The following VAMP8 variants were observed in gnomAD, a reference collection of about 807,000 sequenced individuals.
VAMP8 encodes the protein vesicle-associated membrane protein 8.
A neutral mutation model predicts 11.4 loss-of-function variants in VAMP8; 9 were observed. The ratio of observed to expected loss-of-function variants is 0.79; its 90% confidence interval spans 0.48 to 1.38. VAMP8 has a LOEUF of 1.38. VAMP8 is among the 40% of genes most tolerant of loss of function. The probability of loss-of-function intolerance (pLI) is 0.00; values close to 1 mark genes in which losing one functional copy is unlikely to be tolerated. For missense variants in VAMP8, 108 were observed against 127.8 expected (o/e 0.85, Z 0.75); for synonymous variants, 42 against 44.7 (o/e 0.94, Z 0.24).
intron 1 of VAMP8, 39 bp from the exon 2 acceptor site, chr2:85,578,970 C>G: frequency 6.3e-7 from 1 of 1,580,080 alleles, no homozygotes; most frequent in Non-Finnish European, 8.6e-7. Flanking sequence ...CTCCAGTTCC[C>G]CCACCACTTG....
In VAMP8 at chr2:85,581,795, C is replaced by T; in HGVS notation, c.*79C>T. 1 of 1,571,774 alleles carries T rather than the reference C, an allele frequency of 6.4e-7. No individual in the cohort carries two copies. Among genetic ancestry groups the T allele is most frequent in the Admixed American group, 1.7e-5 (1 of 57,782 alleles). ...ATGTGTGCCAAGAGGGTCTCCTTTC[C>T]TGTCTTCCTCTACAGAGAATGCTGC... is the stretch of plus-strand genomic sequence containing the variant. On this transcript the variant is annotated 3_prime_UTR_variant, in exon 3 of 3. Transcript: ENST00000263864.
In VAMP8 at chr2:85,581,984, G is replaced by C. The variant is rs990765760; in HGVS notation, c.*268G>C. The C allele has an allele frequency of 2.1e-5, 9 of 435,884 alleles. No individual in the cohort carries two copies. Among genetic ancestry groups the C allele is most frequent in the South Asian group, 1.4e-4 (4 of 28,210 alleles). The allele number at this position is 435,884 out of a possible 1,614,324, so 27.0% of individuals were successfully genotyped here. ...ACCTAGAGGGCCCAGCATGTGGCTG[G>C]GAAACTGTTGGTGGCCAGTGGGTAA... On this transcript the variant is annotated 3_prime_UTR_variant, in exon 3 of 3. Coordinates refer to ENST00000263864, the MANE Select transcript of VAMP8 (RefSeq NM_003761.5).
At chr2:85,578,952 G>T (rs941916026) in intron 1 of VAMP8, 57 bp from the exon 2 acceptor site, 1 of 1,563,610 alleles carries the variant, frequency 6.4e-7, no homozygotes, top group African/African-American at 1.4e-5. Flanking sequence ...AGATCTCTGA[G>T]CCCAAGTCTC....
intron 1 of VAMP8, among the ~76,000 whole-genome samples, chr2:85,578,468 CTGT>C (rs1310552454): frequency 2.6e-5 from 4 of 152,186 alleles, no homozygotes; most frequent in African/African-American, 9.7e-5. Context: ...ACTTGGTTGC[CTGT>C]TGTTCTGGGT....
At chr2:85,579,719 A>T (rs1318255307) in intron 2 of VAMP8, 1 of 1,550,314 alleles carries the variant, frequency 6.5e-7, no homozygotes, top group East Asian at 2.4e-5. Flanking sequence ...ATCTTGCTAG[A>T]CCTCATTCTT....
At chr2:85,581,474 A>C (rs1371101872) in intron 2 of VAMP8, 102 bp from the exon 3 acceptor site, 9 of 1,195,192 alleles carry the variant, frequency 7.5e-6, no homozygotes, top group Non-Finnish European at 1.0e-5. Context: ...TCCATCTCAA[A>C]AAAAAAAAAA....
intron 2 of VAMP8, chr2:85,579,986 C>T (rs1456762624): frequency 9.8e-6 from 14 of 1,421,842 alleles, no homozygotes; most frequent in Admixed American, 8.4e-5. Flanking sequence ...GACAGAGCCT[C>T]ACTCTGTTGC....
Position 85,581,569 on chromosome 2 carries a change from C to T in VAMP8, c.163-7C>T, listed in dbSNP as rs1672379215. 1 of 1,613,992 alleles carries T rather than the reference C, an allele frequency of 6.2e-7. No individual in the cohort carries two copies. Among genetic ancestry groups the T allele is most frequent in the African/African-American group, 1.3e-5 (1 of 75,024 alleles). On this transcript the variant is annotated splice_polypyrimidine_tract_variant and splice_region_variant and intron_variant, in intron 2 of 2. Transcript: ENST00000263864. The stretch of plus-strand genomic sequence containing the variant: ...CTGGGTCACTCACTCTGCCTTTTCC[C>T]CAACAGTCTGAGCACTTCAAGACGA...
rs1183284864 is a variant in VAMP8 at position 85,581,871 on chromosome 2, C to G, written c.*155C>G. ...GGCCCTGCTGCCATGTTGTATGCCC[C>G]AGAAGGTACCTTGGTCCCCCGGAAG... On this transcript the variant is annotated 3_prime_UTR_variant, in exon 3 of 3. Coordinates refer to ENST00000263864, the MANE Select transcript of VAMP8 (RefSeq NM_003761.5). 3.0e-6 allele frequency: 3 copies of G among 989,566 alleles called. No homozygotes were observed. The highest frequency in any genetic ancestry group is 4.8e-5 in the Admixed American group (2 of 41,634). The allele number at this position is 989,566 out of a possible 1,614,324, so 61.3% of individuals were successfully genotyped here.
At position 85,581,506 on chromosome 2, in the gene VAMP8, C is replaced by G. The variant is rs560948329; in HGVS notation, c.163-70C>G. 1.5e-5 allele frequency: 24 copies of G among 1,579,308 alleles called. No homozygotes were observed. The East Asian group carries it at 4.7e-4, about 31-fold the overall frequency. Reference sequence around the variant, plus strand: ...AAAAAAGTATGGCCTGTGGGCTGCACTTGTACTCTTATAATCTTGTTCCAG... The same window carrying G: ...AAAAAAGTATGGCCTGTGGGCTGCAGTTGTACTCTTATAATCTTGTTCCAG... On this transcript the variant is annotated intron_variant, in intron 2 of 2. Transcript: ENST00000263864.
Position 85,577,642 on chromosome 2 carries a change from G to A in VAMP8, c.-5G>A. ...CTTACTGACCGGCCTGGGCTGCTCT[G>A]AGACATGGTGAGCCAACTGGGAACT... is the stretch of plus-strand genomic sequence containing the variant. On this transcript the variant is annotated 5_prime_UTR_variant, in exon 1 of 3. Coordinates refer to ENST00000263864, the MANE Select transcript of VAMP8 (RefSeq NM_003761.5). 1 of 1,552,368 alleles carries A rather than the reference G, an allele frequency of 6.4e-7. No individual in the cohort carries two copies. The highest frequency in any genetic ancestry group is 8.7e-7 in the Non-Finnish European group (1 of 1,147,428).
chr2:85,581,025 G>T (rs1198908051), intron 2 of VAMP8, among the ~76,000 whole-genome samples: 1 of 152,054 alleles, frequency 6.6e-6, no homozygotes, highest in African/African-American at 2.4e-5. Flanking sequence ...GTATTAAGAT[G>T]TATGGCTTGA....
Position 85,577,661 on chromosome 2 carries a change from G to GGGAACTA in VAMP8, c.3+17_3+23dup. ...TGCTCTGAGACATGGTGAGCCAACT[G>GGGAACTA]GGAACTAGGAAAGGGCTGGTTTAAA... On this transcript the variant is annotated intron_variant, in intron 1 of 2. Transcript: ENST00000263864. 1 of 1,552,370 alleles carries GGGAACTA rather than the reference G, an allele frequency of 6.4e-7. No individual in the cohort carries two copies. Among genetic ancestry groups the GGGAACTA allele is most frequent in the Non-Finnish European group, 8.7e-7 (1 of 1,147,404 alleles).
At chr2:85,579,926 T>G in intron 2 of VAMP8, 1 of 1,516,990 alleles carries the variant, frequency 6.6e-7, no homozygotes, top group Non-Finnish European at 8.8e-7. Flanking sequence ...GTAGCTTAAT[T>G]GTAGCTTAAT....
intron 1 of VAMP8, 75 bp from the exon 2 acceptor site, chr2:85,578,933 AC>A: frequency 1.3e-6 from 2 of 1,512,206 alleles, no homozygotes; most frequent in Non-Finnish European, 1.8e-6. Flanking sequence ...CTGAGGCCTT[AC>A]CCTCCCCAGA....
intron 2 of VAMP8, among the ~76,000 whole-genome samples, chr2:85,581,159 T>A (rs1672371069): frequency 6.6e-6 from 1 of 151,398 alleles, no homozygotes; most frequent in African/African-American, 2.4e-5. Flanking sequence ...CCAGCCTGGG[T>A]GACACAGCCA....
intron 1 of VAMP8, among the ~76,000 whole-genome samples, chr2:85,577,961 G>T (rs1437013874): frequency 6.6e-6 from 1 of 152,200 alleles, no homozygotes; most frequent in Non-Finnish European, 1.5e-5. Flanking sequence ...CAGGGAGCCC[G>T]AGGCGGGTGT....
At chr2:85,579,676 G>A in intron 2 of VAMP8, 1 of 1,525,474 alleles carries the variant, frequency 6.6e-7, no homozygotes, top group Non-Finnish European at 8.8e-7. Flanking sequence ...AGGGTCCCCT[G>A]CTAGATGAAG....
intron 2 of VAMP8, chr2:85,579,968 T>C: frequency 6.8e-7 from 1 of 1,473,406 alleles, no homozygotes; most frequent in Non-Finnish European, 9.0e-7. Context: ...ATTTTTTTTT[T>C]TTTTTTAGAC....
Sources: gnomAD v4.1 joint callset for allele counts (sites outside exome capture counted in the v4.1 genomes callset) on GRCh38, gnomAD v4.1.1 for gene constraint, MANE v1.5 for transcripts, NCBI Gene and HGNC (gene_info 2026-07-23, HGNC 2026-07-21) for gene names.